ITGA3: variants seen among roughly 807,000 people sequenced by gnomAD.
ITGA3 encodes integrin alpha-3.
A neutral mutation model predicts 131.1 loss-of-function variants in ITGA3; 70 were observed. The observed-to-expected ratio is 0.53, with a 90% confidence interval of 0.44 to 0.65. The LOEUF is 0.65. Among genes scored for constraint, ITGA3 ranks in the 30% least tolerant of loss-of-function variants. The pLI, the probability that ITGA3 is intolerant of heterozygous loss-of-function variation, is 0.00. For synonymous variants in ITGA3, 537 were observed against 571.6 expected (o/e 0.94, Z 0.86); for missense variants, 1,098 against 1,388.6 (o/e 0.79, Z 3.33).
At chr17:50,071,551 G>T in intron 6 of ITGA3, 33 bp downstream of exon 6, 1 of 1,562,500 alleles carries the variant, frequency 6.4e-7, no homozygotes, top group South Asian at 1.1e-5. Context: ...TGGGGCCAGG[G>T]AGAGCGATGG....
intron 1 of ITGA3, among the ~76,000 whole-genome samples, chr17:50,061,424 C>G (rs997215876): frequency 6.6e-6 from 1 of 152,064 alleles, no homozygotes; most frequent in Admixed American, 6.5e-5. Context: ...TCAGCTGCCT[C>G]CTGTATGACA....
chr17:50,078,859 C>T lies in ITGA3; in HGVS notation c.2333C>T (p.Thr778Ile). 1 of 1,613,080 alleles carries T rather than the reference C, an allele frequency of 6.2e-7. No homozygotes were observed. The highest frequency in any genetic ancestry group is 8.5e-7 in the Non-Finnish European group (1 of 1,179,166). The stretch of plus-strand genomic sequence containing the variant: ...CGGCTACAAAGCTTCTTTGGGGGGA[C>T]AGTGATGGGTGAGTCTGGCATGAAA... ...NHRLQSFFGG[T>I]VMGESGMKTV... Residue 778 changes from threonine (T) to isoleucine (I), a missense_variant, in exon 19 of 26, where the codon ACA (threonine) becomes ATA (isoleucine). Thr to Ile is a moderately conservative substitution (Grantham distance 89). Transcript: ENST00000320031.
intron 4 of ITGA3, among the ~76,000 whole-genome samples, chr17:50,069,748 C>A (rs921327421): frequency 6.6e-6 from 1 of 152,110 alleles, no homozygotes; most frequent in Non-Finnish European, 1.5e-5. Flanking sequence ...ATATATAGGA[C>A]CATCATTTTA....
intron 3 of ITGA3, 150 bp from the exon 4 acceptor site, chr17:50,067,906 A>G: frequency 9.9e-7 from 1 of 1,005,812 alleles, no homozygotes; most frequent in Non-Finnish European, 1.5e-6. Context: ...TGGAAAGGAG[A>G]TGCAGGTTTA....
rs763423064 is a variant in ITGA3, at chr17:50,064,621, C to A, written c.414+14C>A. On this transcript the variant is annotated intron_variant, in intron 3 of 25. Transcript: ENST00000320031. This position sits in a 1 kb window ranked among gnomAD's most constrained non-coding sequence, Gnocchi z 4.4. ...GGCAGAGTTCTGGTAAGTGGGTGCT[C>A]AGTGTTGGCTCCTCCACCTCTACCC... 1.9e-6 allele frequency: 3 copies of A among 1,606,670 alleles called. No homozygotes were observed. Among genetic ancestry groups the A allele is most frequent in the Non-Finnish European group, 2.5e-6 (3 of 1,176,672 alleles).
rs1415646290 is a variant in ITGA3 at position 50,076,979 on chromosome 17, A to G, written c.1928A>G (p.Gln643Arg). The change falls in exon 15 of 26, where the codon CAG (glutamine) becomes CGG (arginine). Residue 643 changes from glutamine (Q) to arginine (R), a missense_variant. Physicochemically the swap from Gln to Arg is conservative, Grantham distance 43 (BLOSUM62 1). Coordinates refer to ENST00000320031, the MANE Select transcript of ITGA3 (RefSeq NM_002204.4). ...SEQQQKLSRL[Q>R]YSRDVRKLLL... ...TCCTGGGCTCCTGCTCTCAGGCTCC[A>G]GTACAGCAGAGACGTCCGGAAATTG... 6.2e-7 allele frequency: 1 copy of G among 1,607,126 alleles called. No homozygotes were observed. Among genetic ancestry groups the G allele is most frequent in the Admixed American group, 1.7e-5 (1 of 59,724 alleles).
At chr17:50,065,593 G>A (rs1273127180) in intron 3 of ITGA3, 5 of 152,306 alleles carry the variant, frequency 3.3e-5, no homozygotes, top group Admixed American at 3.3e-4. Flanking sequence ...CCACATGGCT[G>A]GGGAAGCCTC....
rs976168995 is a variant in ITGA3 at position 50,074,269 on chromosome 17, T to G, written c.1371T>G (p.Ile457Met). ...DLLVGSLSDH[I>M]VLLRARPVIN... Reference sequence around the variant, plus strand: ...TAGTGGGAAGCCTGTCAGACCACATTGTGCTGCTGCGGTGAGCCAGGAGGC... The same window carrying G: ...TAGTGGGAAGCCTGTCAGACCACATGGTGCTGCTGCGGTGAGCCAGGAGGC... Residue 457 changes from isoleucine to methionine, a missense_variant, in exon 9 of 26, where the codon ATT becomes ATG. By Grantham distance (10) the Ile-to-Met change is conservative (BLOSUM62 1). Coordinates refer to ENST00000320031, the MANE Select transcript of ITGA3 (RefSeq NM_002204.4). 1.2e-6 allele frequency: 2 copies of G among 1,614,016 alleles called. No homozygotes were observed. Among genetic ancestry groups the G allele is most frequent in the South Asian group, 2.2e-5 (2 of 91,072 alleles).
At position 50,075,674 on chromosome 17, in the gene ITGA3, T is replaced by C; in HGVS notation, c.1613T>C (p.Val538Ala). ...CGCTTTGCCGGCAGTGAGTCCGCTG[T>C]CTTCCACGGCTTCTTCTCCATGCCC... The part of the protein sequence containing the change: ...RLRFAGSESA[V>A]FHGFFSMPEM... The change falls in exon 12 of 26, where the codon GTC (valine) becomes GCC (alanine). Residue 538 changes from valine (V) to alanine (A), a missense_variant. This residue lies in a region of ITGA3 where 699 missense variants were observed against 829.2 expected (regional missense o/e 0.84). Coordinates refer to ENST00000320031, the MANE Select transcript of ITGA3 (RefSeq NM_002204.4). 1.2e-6 allele frequency: 2 copies of C among 1,614,192 alleles called. No individual in the cohort carries two copies. Among genetic ancestry groups the C allele is most frequent in the Non-Finnish European group, 1.7e-6 (2 of 1,180,034 alleles).
rs994415285 is a variant in ITGA3, at chr17:50,076,841, C to T, written c.1923-133C>T. The T allele has an allele frequency of 8.4e-6, 10 of 1,188,462 alleles. No homozygotes were observed. In the African/African-American group the frequency reaches 1.5e-4, roughly 18 times the overall value. The allele number at this position is 1,188,462 out of a possible 1,614,324, so 73.6% of individuals were successfully genotyped here. ...GAAACGGGGCTTTCTCCTCCAGGTG[C>T]GACTAGAGGACGGGGCCTGGCTGTC... On this transcript the variant is annotated intron_variant, in intron 14 of 25. Coordinates refer to ENST00000320031, the MANE Select transcript of ITGA3 (RefSeq NM_002204.4).
chr17:50,083,040 T>C (rs371522722), intron 23 of ITGA3, among the ~76,000 whole-genome samples: 65 of 152,344 alleles, frequency 4.3e-4, no homozygotes, highest in African/African-American at 1.5e-3. Flanking sequence ...GTTGGTTATG[T>C]ACATTATTGT....
intron 1 of ITGA3, among the ~76,000 whole-genome samples, chr17:50,058,474 C>T (rs565014849): frequency 6.6e-6 from 1 of 152,356 alleles, no homozygotes; most frequent in South Asian, 2.1e-4. Context: ...GGCTCTTGCG[C>T]TGAGGCCAGA....
chr17:50,074,396 C>T (rs1261753555), intron 9 of ITGA3, 52 bp from the exon 10 acceptor site: 1 of 1,597,798 alleles, frequency 6.3e-7, no homozygotes, highest in Non-Finnish European at 8.6e-7. Context: ...CCAACTCTGG[C>T]CTGGGGCAGG....
intron 22 of ITGA3, among the ~76,000 whole-genome samples, 191 bp downstream of exon 22, chr17:50,080,566 G>A (rs1215132340): frequency 3.3e-5 from 5 of 151,446 alleles, no homozygotes; most frequent in Admixed American, 2.6e-4. Context: ...GACCTTTCTC[G>A]TGTCCATTAT....
In ITGA3 at chr17:50,068,195, G is replaced by T; in HGVS notation, c.554G>T (p.Cys185Phe). 6.2e-7 allele frequency: 1 copy of T among 1,614,200 alleles called. No homozygotes were observed. Among genetic ancestry groups the T allele is most frequent in the Non-Finnish European group, 8.5e-7 (1 of 1,180,050 alleles). The change falls in exon 4 of 26, where the codon TGC becomes TTC. Residue 185 changes from cysteine (C) to phenylalanine (F), a missense_variant. Around this residue, in one of 3 missense-constraint regions of ITGA3, gnomAD observed 356 missense variants for 529.2 expected, o/e 0.67. Coordinates refer to ENST00000320031, the MANE Select transcript of ITGA3 (RefSeq NM_002204.4). Reference protein sequence around the residue: ...DDWQTYHNEMCNSNTDYLETG... With the variant: ...DDWQTYHNEMFNSNTDYLETG... Reference sequence around the variant, plus strand: ...TGGCAGACCTACCACAACGAGATGTGCAATAGCAACACAGACTACCTGGAG... The same window carrying T: ...TGGCAGACCTACCACAACGAGATGTTCAATAGCAACACAGACTACCTGGAG...
chr17:50,070,133 C>T (rs890880441), intron 4 of ITGA3, among the ~76,000 whole-genome samples: 1 of 152,154 alleles, frequency 6.6e-6, no homozygotes, highest in South Asian at 2.1e-4. Flanking sequence ...CTAGGCAGCC[C>T]GAGTTTGGGG....
At chr17:50,058,001 G>A (rs146101428) in intron 1 of ITGA3, among the ~76,000 whole-genome samples, 1 of 151,462 alleles carries the variant, frequency 6.6e-6, no homozygotes, top group East Asian at 2.0e-4. Flanking sequence ...GAGCCACCAT[G>A]AGCACAAGTT....
At position 50,064,469 on chromosome 17, in the gene ITGA3, C is replaced by T; in HGVS notation, c.335-59C>T. On this transcript the variant is annotated intron_variant, in intron 2 of 25. Transcript: ENST00000320031. This position sits in a 1 kb window ranked among gnomAD's most constrained non-coding sequence, Gnocchi z 4.4. ...GGGACCCACTCCTGCCCTCTGGAGA[C>T]TTTGGGCACTGAAGTATGGGTGAGG... 6.6e-7 allele frequency: 1 copy of T among 1,525,584 alleles called. No individual in the cohort carries two copies. Among genetic ancestry groups the T allele is most frequent in the South Asian group, 1.2e-5 (1 of 80,360 alleles). The allele number at this position is 1,525,584 out of a possible 1,614,324, so 94.5% of individuals were successfully genotyped here. A position where few individuals can be genotyped will look rare whatever the true frequency, so the allele number is the denominator to read the frequency against.
intron 1 of ITGA3, among the ~76,000 whole-genome samples, chr17:50,057,023 T>A (rs1231151981): frequency 6.6e-6 from 1 of 152,172 alleles, no homozygotes; most frequent in Non-Finnish European, 1.5e-5. Flanking sequence ...GACTCCCCCC[T>A]TCCCGTACGC....
Sources: gnomAD v4.1 joint callset for allele counts (sites outside exome capture counted in the v4.1 genomes callset) on GRCh38, gnomAD v4.1.1 for gene constraint, gnomAD v4.1.1 regional missense constraint, Gnocchi (gnomAD v3.1) non-coding constraint, MANE v1.5 for transcripts, NCBI Gene and HGNC (gene_info 2026-07-23, HGNC 2026-07-21) for gene names.